The following CACNA1I variants were observed in gnomAD, a reference collection of about 807,000 sequenced individuals.
The protein encoded by CACNA1I is calcium voltage-gated channel subunit alpha1 I.
A neutral mutation model predicts 201.6 loss-of-function variants in CACNA1I; 74 were observed. That is an observed-to-expected ratio of 0.37 (90% confidence interval 0.30 to 0.45). CACNA1I has a LOEUF of 0.45. Among genes scored for constraint, CACNA1I ranks in the 20% least tolerant of loss-of-function variants. The pLI is 1.00. For missense variants in CACNA1I, 2,346 were observed against 3,138.1 expected (o/e 0.75, Z 6.03); for synonymous variants, 1,431 against 1,345.2 (o/e 1.06, Z -1.40).
In CACNA1I at chr22:39,597,576, G is replaced by C. The variant is rs372239998; in HGVS notation, c.237-575G>C. 1.0e-4 allele frequency among the ~76,000 whole-genome samples: 16 copies of C among 152,394 alleles called. No homozygotes were observed. The East Asian group carries it at 2.5e-3, about 24-fold the overall frequency. ...GCCCAGCCCCACCCCATGTGGTGCA[G>C]GCCAGGGCTGGGCTTGGTGCGGGTG... is the stretch of plus-strand genomic sequence containing the variant. On this transcript the variant is annotated intron_variant, in intron 1 of 36. Transcript: ENST00000402142.
chr22:39,669,947 C>A, intron 24 of CACNA1I, 91 bp from the exon 25 acceptor site: 1 of 1,447,620 alleles, frequency 6.9e-7, no homozygotes, highest in South Asian at 1.2e-5. Context: ...CAACACATGC[C>A]CACTCCATGG....
intron 3 of CACNA1I, among the ~76,000 whole-genome samples, chr22:39,602,450 G>A (rs1474046113): frequency 1.3e-5 from 2 of 152,098 alleles, no homozygotes; most frequent in Non-Finnish European, 2.9e-5. Context: ...CTGTACGGAA[G>A]CTACTCTGGT....
rs556094527 is a variant in CACNA1I, at chr22:39,617,943, G to A, written c.483-1367G>A. Among the ~76,000 whole-genome samples the A allele has an allele frequency of 3.4e-5, 5 of 147,276 alleles. 1 individual carries two copies. In the South Asian group the frequency reaches 1.1e-3, roughly 32 times the overall value. ...AGCTCTAGGTCTCTGTCACTTTTTT[G>A]GGTCACTCCCCCTCATCTGAATTTA... On this transcript the variant is annotated intron_variant, in intron 3 of 36. Coordinates refer to ENST00000402142, the MANE Select transcript of CACNA1I (RefSeq NM_021096.4).
chr22:39,654,207 G>A (rs1029078695), intron 10 of CACNA1I, among the ~76,000 whole-genome samples: 1 of 152,190 alleles, frequency 6.6e-6, no homozygotes, highest in Admixed American at 6.5e-5. Context: ...CCGGGCTCCC[G>A]GAGATTGAGG....
At chr22:39,671,070 C>T (rs1935363914) in intron 26 of CACNA1I, 116 bp downstream of exon 26, 1 of 921,958 alleles carries the variant, frequency 1.1e-6, no homozygotes, top group Non-Finnish European at 1.6e-6. Flanking sequence ...ATGTGAGCAG[C>T]CCCTCCATGC....
intron 1 of CACNA1I, among the ~76,000 whole-genome samples, chr22:39,585,067 A>AT (rs1472844441): frequency 5.3e-5 from 8 of 152,046 alleles, no homozygotes; most frequent in African/African-American, 1.7e-4. Context: ...TTTTATTTTT[A>AT]TTTCTTTTTG....
Position 39,600,400 on chromosome 22 carries a change from G to A in CACNA1I, c.349-120G>A, listed in dbSNP as rs59442422. On this transcript the variant is annotated intron_variant, in intron 2 of 36. Coordinates refer to ENST00000402142, the MANE Select transcript of CACNA1I (RefSeq NM_021096.4). ...CTCCTCCTGCCCAGGAGGAGTTTCC[G>A]GGTGTTTCCCAGGCCCCTTGCATCC... The A allele has an allele frequency of 5.2e-5, 39 of 751,920 alleles. No individual in the cohort carries two copies. In the East Asian group the frequency reaches 6.6e-4, roughly 13 times the overall value. The allele number at this position is 751,920 out of a possible 1,614,324, so 46.6% of individuals were successfully genotyped here. A position where few individuals can be genotyped will look rare whatever the true frequency, so the allele number is the denominator to read the frequency against.
Position 39,610,690 on chromosome 22 carries a change from G to A in CACNA1I, c.483-8620G>A, listed in dbSNP as rs148232269. On this transcript the variant is annotated intron_variant, in intron 3 of 36. Transcript: ENST00000402142. ...CAAGAGGTCTCCAGCTTCAGGGCCCGCTTGCTCTAGAATCCTGAAAGATGT... is the reference window on the plus strand; with the variant it reads ...CAAGAGGTCTCCAGCTTCAGGGCCCACTTGCTCTAGAATCCTGAAAGATGT... Among the ~76,000 whole-genome samples, 158 of 152,264 alleles carry A rather than the reference G, an allele frequency of 1.0e-3. 1 individual carries two copies. In the East Asian group the frequency reaches 0.02, roughly 19 times the overall value.
At chr22:39,586,999 C>T (rs565510218) in intron 1 of CACNA1I, among the ~76,000 whole-genome samples, 1 of 152,324 alleles carries the variant, frequency 6.6e-6, no homozygotes, top group African/African-American at 2.4e-5. Context: ...CAGGGACCTG[C>T]CTGGCCCTTC....
intron 1 of CACNA1I, among the ~76,000 whole-genome samples, chr22:39,585,726 A>ACT (rs1439172512): frequency 1.5e-5 from 1 of 68,266 alleles, no homozygotes; most frequent in African/African-American, 5.2e-5. Context: ...AAACTTTTAA[A>ACT]GTTTTTTTTT....
intron 4 of CACNA1I, among the ~76,000 whole-genome samples, chr22:39,620,374 C>T (rs1933711924): frequency 6.6e-6 from 1 of 151,796 alleles, no homozygotes; most frequent in Non-Finnish European, 1.5e-5. Context: ...TGTCCATCCA[C>T]TCATCCACCC....
intron 17 of CACNA1I, 37 bp from the exon 18 acceptor site, chr22:39,662,739 A>G (rs1157327569): frequency 6.9e-7 from 1 of 1,443,746 alleles, no homozygotes; most frequent in Admixed American, 2.0e-5. Context: ...AACCCTGCGC[A>G]TCGCTGACCC....
intron 3 of CACNA1I, among the ~76,000 whole-genome samples, chr22:39,613,505 T>C (rs1416596015): frequency 6.6e-6 from 1 of 152,226 alleles, no homozygotes; most frequent in African/African-American, 2.4e-5. Context: ...CTGTTCCTTG[T>C]GTGAGGCCCT....
chr22:39,571,044 C>A (rs954335472), intron 1 of CACNA1I, 56 bp downstream of exon 1: 2 of 1,425,476 alleles, frequency 1.4e-6, no homozygotes, highest in Non-Finnish European at 2.0e-6. Flanking sequence ...GGGTGGGGGG[C>A]TGGATTGAGT....
Position 39,661,302 on chromosome 22 carries a change from C to A in CACNA1I, c.2893C>A (p.Arg965Ser). The A allele has an allele frequency of 6.4e-7, 1 of 1,570,830 alleles. No individual in the cohort carries two copies. The highest frequency in any genetic ancestry group is 1.2e-5 in the South Asian group (1 of 84,316). ...MSLGRMSYDQRSLSSSRSSYY... is the reference protein window; with the variant it reads ...MSLGRMSYDQSSLSSSRSSYY... Reference sequence around the variant, plus strand: ...TCTAGGGAGGATGAGCTATGACCAGCGCTCCCTGGTGAGTCCTTGTGGGGA... The same window carrying A: ...TCTAGGGAGGATGAGCTATGACCAGAGCTCCCTGGTGAGTCCTTGTGGGGA... The change falls in exon 16 of 37, where the codon CGC becomes AGC. Residue 965 changes from arginine (R) to serine (S), a missense_variant. Around this residue, in one of 13 missense-constraint regions of CACNA1I, gnomAD observed 288 missense variants for 255.2 expected, o/e 1.13. Transcript: ENST00000402142.
In CACNA1I at chr22:39,570,947, C is replaced by A; in HGVS notation, c.195C>A (p.Thr65=). The A allele has an allele frequency of 6.2e-7, 1 of 1,613,856 alleles. No homozygotes were observed. ...TTGCCTTCTTCTGCCTGCGACAGAC[C>A]ACCAGCCCCCGGAACTGGTGCATCA... ...APIAFFCLRQ[T]TSPRNWCIKM... is the part of the protein sequence containing the mutation. The change falls in exon 1 of 37, where the codon ACC becomes ACA. Residue 65 remains threonine, a synonymous_variant. Transcript: ENST00000402142.
chr22:39,625,221 C>T (rs1933865477), intron 4 of CACNA1I, among the ~76,000 whole-genome samples: 4 of 152,176 alleles, frequency 2.6e-5, no homozygotes, highest in Non-Finnish European at 5.9e-5. Context: ...ACAGTCTTTT[C>T]AACAGTAGCC....
chr22:39,635,318 C>T (rs972359516), intron 5 of CACNA1I, among the ~76,000 whole-genome samples: 2 of 151,956 alleles, frequency 1.3e-5, no homozygotes, highest in African/African-American at 4.8e-5. Flanking sequence ...AGCCTGTGCT[C>T]GGGGCTCAGG....
At chr22:39,599,643 A>T (rs974757487) in intron 2 of CACNA1I, among the ~76,000 whole-genome samples, 11 of 139,638 alleles carry the variant, frequency 7.9e-5, no homozygotes, top group African/African-American at 2.9e-4. Context: ...AAAAAAAAAA[A>T]AAAAATCCAG....
Sources: allele counts gnomAD v4.1 joint callset (sites outside exome capture counted in the v4.1 genomes callset), GRCh38; gene constraint gnomAD v4.1.1; regional missense constraint gnomAD v4.1.1; transcripts MANE v1.5; gene names NCBI Gene and HGNC (gene_info 2026-07-23, HGNC 2026-07-21).